The following DHRS4L2 variants were observed in gnomAD, a reference collection of about 807,000 sequenced individuals.
DHRS4L2 encodes dehydrogenase/reductase 4 like 2.
A neutral mutation model predicts 23.9 loss-of-function variants in DHRS4L2; 22 were observed. The observed-to-expected ratio is 0.92, with a 90% CI of 0.66 to 1.31. The LOEUF (loss-of-function observed/expected upper bound fraction) is 1.31, where lower values mean the gene tolerates loss of function less well. Ranked by LOEUF, DHRS4L2 falls within the 40% of genes most tolerant of loss-of-function variation. The pLI is 0.00. For missense variants in DHRS4L2, 385 were observed against 303.3 expected (o/e 1.27, Z -2.00); for synonymous variants, 141 against 123.7 (o/e 1.14, Z -0.93).
intron 2 of DHRS4L2, among the ~76,000 whole-genome samples, chr14:23,993,889 C>A (rs369569635): frequency 6.6e-6 from 1 of 151,596 alleles, no homozygotes; most frequent in Admixed American, 6.6e-5. Flanking sequence ...TATGAATTAG[C>A]TCTGTGCTAC....
chr14:23,994,117 A>G (rs1314110219), intron 2 of DHRS4L2, among the ~76,000 whole-genome samples: 1 of 151,818 alleles, frequency 6.6e-6, no homozygotes, highest in Non-Finnish European at 1.5e-5. Flanking sequence ...AGGCCCCTCC[A>G]GGGTAACTTT....
intron 1 of DHRS4L2, among the ~76,000 whole-genome samples, chr14:23,981,383 G>T (rs954848135): frequency 6.6e-6 from 1 of 151,546 alleles, no homozygotes; most frequent in Admixed American, 6.6e-5. Context: ...ACTGCCCAAG[G>T]TAATTTATAG....
At chr14:23,994,268 A>T (rs1291119084) in intron 2 of DHRS4L2, among the ~76,000 whole-genome samples, 5 of 151,678 alleles carry the variant, frequency 3.3e-5, no homozygotes, top group Non-Finnish European at 5.9e-5. Context: ...AAGGAAGAGG[A>T]GGGGTCTGGA....
At chr14:23,995,241 CTT>C in intron 3 of DHRS4L2, 108 bp downstream of exon 3, 3 of 1,303,368 alleles carry the variant, frequency 2.3e-6, no homozygotes, top group Non-Finnish European at 3.3e-6. Context: ...TGTGAGGACT[CTT>C]TGCCACGTGC....
chr14:23,976,388 A>C (rs2033964657), intron 1 of DHRS4L2, among the ~76,000 whole-genome samples: 1 of 151,990 alleles, frequency 6.6e-6, no homozygotes, highest in Non-Finnish European at 1.5e-5. Context: ...AGAAATGCAA[A>C]GCAAAACCAC....
intron 3 of DHRS4L2, among the ~76,000 whole-genome samples, chr14:23,997,864 T>C (rs1365329329): frequency 6.6e-6 from 1 of 151,892 alleles, no homozygotes; most frequent in Non-Finnish European, 1.5e-5. Context: ...ACAAATATTC[T>C]TAATGGCATC....
intron 2 of DHRS4L2, among the ~76,000 whole-genome samples, chr14:23,993,262 G>A (rs1274161676): frequency 3.6e-4 from 54 of 151,712 alleles, no homozygotes; most frequent in South Asian, 4.2e-4. Context: ...GTGCCAGGAT[G>A]CCAAAATTTA....
At chr14:23,987,584 C>G (rs150763209), upstream of DHRS4L2, among the ~76,000 whole-genome samples, 1,449 of 151,778 alleles carry the variant, frequency 9.5e-3, 37 homozygotes, top group African/African-American at 0.031. Flanking sequence ...ATAAGGCTGC[C>G]AAACTGGTGA....
intron 1 of DHRS4L2, among the ~76,000 whole-genome samples, chr14:23,989,480 G>A (rs1372192020): frequency 6.6e-6 from 1 of 151,354 alleles, no homozygotes; most frequent in African/African-American, 2.4e-5. Flanking sequence ...AAAGTGTCCC[G>A]GAACCCCTCC....
upstream of DHRS4L2, among the ~76,000 whole-genome samples, chr14:23,984,947 C>A (rs1164531929): frequency 6.6e-6 from 1 of 151,232 alleles, no homozygotes. Flanking sequence ...GAACAAGGGC[C>A]CTGAGCTTCT....
intron 2 of DHRS4L2, among the ~76,000 whole-genome samples, chr14:23,993,257 A>G (rs1350834467): frequency 1.3e-5 from 2 of 151,722 alleles, no homozygotes; most frequent in Admixed American, 6.6e-5. Flanking sequence ...GCTTTGTGCC[A>G]GGATGCCAAA....
At chr14:23,983,404 G>T (rs1465841576) in intron 1 of DHRS4L2, among the ~76,000 whole-genome samples, 4 of 151,716 alleles carry the variant, frequency 2.6e-5, no homozygotes, top group Non-Finnish European at 4.4e-5. Context: ...AGGATGTGGA[G>T]AAATAGGAAC....
chr14:23,992,459 C>T (rs12434703), intron 2 of DHRS4L2, among the ~76,000 whole-genome samples: 2 of 151,296 alleles, frequency 1.3e-5, no homozygotes, highest in Non-Finnish European at 2.9e-5. Context: ...CACATGTTAC[C>T]CTGCAATAAG....
chr14:24,000,603 C>T (rs2034466230), intron 3 of DHRS4L2, among the ~76,000 whole-genome samples: 1 of 151,874 alleles, frequency 6.6e-6, no homozygotes, highest in Non-Finnish European at 1.5e-5. Flanking sequence ...CCAAATCATA[C>T]TTGGCTGATT....
chr14:23,986,802 C>T (rs1280028187), upstream of DHRS4L2, among the ~76,000 whole-genome samples: 1 of 151,346 alleles, frequency 6.6e-6, no homozygotes, highest in African/African-American at 2.4e-5. Context: ...TCCTGTGTAC[C>T]CTCCCCCCAG....
At chr14:23,991,381 G>A (rs1343410363) in intron 2 of DHRS4L2, among the ~76,000 whole-genome samples, 1 of 151,720 alleles carries the variant, frequency 6.6e-6, no homozygotes, top group African/African-American at 2.4e-5. Flanking sequence ...GATCCTGATG[G>A]TGGAAGGAGC....
intron 3 of DHRS4L2, 49 bp downstream of exon 3, chr14:23,995,182 G>C: frequency 6.3e-7 from 1 of 1,591,036 alleles, no homozygotes; most frequent in Non-Finnish European, 8.6e-7. Flanking sequence ...GACACATTCA[G>C]CACAAACTCC....
chr14:23,997,886 A>T (rs1244161335), intron 3 of DHRS4L2, among the ~76,000 whole-genome samples: 7 of 151,854 alleles, frequency 4.6e-5, no homozygotes, highest in African/African-American at 2.4e-5. Context: ...AAAATGGTGC[A>T]TCCTTTACAG....
In DHRS4L2 at chr14:24,005,853, T is replaced by C. The variant is rs574404959; in HGVS notation, c.*23-33T>C. The C allele has an allele frequency of 1.1e-5, 17 of 1,609,696 alleles. No individual in the cohort carries two copies. In the Admixed American group the frequency reaches 1.2e-4, roughly 11 times the overall value. ...GTGAGGGAGGCAGACCCGTTTGATT[T>C]TTACCTCCTTCCTTGCTTCCCTTAT... On this transcript the variant is annotated intron_variant, in intron 7 of 7. Transcript: ENST00000335125.
Sources: gnomAD v4.1 joint callset for allele counts (sites outside exome capture counted in the v4.1 genomes callset) on GRCh38, gnomAD v4.1.1 for gene constraint, MANE v1.5 for transcripts, NCBI Gene and HGNC (gene_info 2026-07-23, HGNC 2026-07-21) for gene names.